The following EYS variants were observed in gnomAD, a reference collection of about 807,000 sequenced individuals.
The protein encoded by EYS is EGF-like photoreceptor maintenance factor, also known as protein eyes shut homolog.
In EYS, 250 loss-of-function variants were observed where a neutral mutation model predicts 282.1. The observed-to-expected ratio is 0.89, with a 90% CI of 0.80 to 0.98. The LOEUF is 0.98. EYS is among the 50% of genes least tolerant of loss of function. The pLI, the probability that EYS is intolerant of heterozygous loss-of-function variation, is 0.00. For synonymous variants in EYS, 1,355 were observed against 1,282.9 expected (o/e 1.06, Z -1.20); for missense variants, 4,016 against 3,709.0 (o/e 1.08, Z -2.15).
At chr6:64,687,797 A>G (rs1770212206) in intron 22 of EYS, among the ~76,000 whole-genome samples, 1 of 152,170 alleles carries the variant, frequency 6.6e-6, no homozygotes, top group Non-Finnish European at 1.5e-5. Context: ...AAGGAACGGT[A>G]CCATCTCCTC....
chr6:65,664,721 A>T, intron 1 of EYS, among the ~76,000 whole-genome samples: 1 of 152,274 alleles, frequency 6.6e-6, no homozygotes, highest in South Asian at 2.1e-4. Flanking sequence ...AATAAACAGG[A>T]TAATAATTTG....
At chr6:65,277,343 G>T (rs1768075404) in intron 12 of EYS, among the ~76,000 whole-genome samples, 1 of 151,066 alleles carries the variant, frequency 6.6e-6, no homozygotes, top group Admixed American at 6.6e-5. Context: ...TGAGGCAAAA[G>T]AATCGCTTGA....
intron 13 of EYS, among the ~76,000 whole-genome samples, chr6:65,036,119 TACAATA>T (rs1268171833): frequency 5.3e-5 from 8 of 151,356 alleles, no homozygotes; most frequent in Non-Finnish European, 1.0e-4. Flanking sequence ...CAGGCACTGG[TACAATA>T]ACAAACACAT....
At chr6:65,317,881 T>C (rs111897307) in intron 11 of EYS, among the ~76,000 whole-genome samples, 1,379 of 62,392 alleles carry the variant, frequency 0.022, 61 homozygotes, top group Middle Eastern at 0.027. Context: ...TTTCTTTCTT[T>C]CTTTCAGACA....
chr6:63,990,753 C>G (rs1002000532), intron 34 of EYS, among the ~76,000 whole-genome samples: 1 of 151,600 alleles, frequency 6.6e-6, no homozygotes. Context: ...GTTTCTGTCT[C>G]ACCTGTCTCA....
chr6:64,808,489 A>C (rs2150012754), intron 22 of EYS, among the ~76,000 whole-genome samples: 1 of 152,266 alleles, frequency 6.6e-6, no homozygotes, highest in East Asian at 1.9e-4. Context: ...TATATAAATC[A>C]ACTTATAAAT....
chr6:64,467,683 G>T (rs1174292479), intron 26 of EYS, among the ~76,000 whole-genome samples: 1 of 152,020 alleles, frequency 6.6e-6, no homozygotes, highest in Non-Finnish European at 1.5e-5. Flanking sequence ...CACCACTACT[G>T]CTTGTGTACA....
intron 24 of EYS, among the ~76,000 whole-genome samples, chr6:64,601,612 G>A (rs1766763378): frequency 6.6e-6 from 1 of 151,960 alleles, no homozygotes; most frequent in African/African-American, 2.4e-5. Flanking sequence ...ATAATTGTTA[G>A]AGCCTAGCTG....
At chr6:64,143,279 T>G (rs1774398369) in intron 31 of EYS, among the ~76,000 whole-genome samples, 1 of 145,872 alleles carries the variant, frequency 6.9e-6, no homozygotes, top group African/African-American at 2.5e-5. Context: ...ATCCATAGAA[T>G]GTGTAACAGC....
At chr6:65,395,380 C>G (rs375838093) in intron 7 of EYS, among the ~76,000 whole-genome samples, 39 of 152,258 alleles carry the variant, frequency 2.6e-4, no homozygotes, top group African/African-American at 8.2e-4. Flanking sequence ...CCTTACTTTG[C>G]TATTTTTTTC....
chr6:64,693,150 C>G (rs1770457164), intron 22 of EYS, among the ~76,000 whole-genome samples: 1 of 150,940 alleles, frequency 6.6e-6, no homozygotes, highest in South Asian at 2.1e-4. Flanking sequence ...CAGAATAATG[C>G]AGATAGAAAT....
chr6:65,231,298 T>A (rs1020535058), intron 12 of EYS, among the ~76,000 whole-genome samples: 77 of 150,424 alleles, frequency 5.1e-4, no homozygotes, highest in African/African-American at 1.8e-3. Flanking sequence ...GTGTATTAGA[T>A]CAGAAAAAAT....
intron 28 of EYS, among the ~76,000 whole-genome samples, chr6:64,428,860 T>C (rs1774493976): frequency 6.6e-6 from 1 of 152,168 alleles, no homozygotes; most frequent in Non-Finnish European, 1.5e-5. Context: ...AATTTTTATA[T>C]CCCAGATATA....
chr6:63,993,163 T>A (rs2149797816), intron 34 of EYS, among the ~76,000 whole-genome samples: 1 of 151,612 alleles, frequency 6.6e-6, no homozygotes, highest in South Asian at 2.1e-4. Context: ...ACTCAGCAAA[T>A]TAGGATTAGG....
At chr6:65,245,319 T>C (rs1232722233) in intron 12 of EYS, among the ~76,000 whole-genome samples, 3 of 152,202 alleles carry the variant, frequency 2.0e-5, no homozygotes, top group Non-Finnish European at 2.9e-5. Flanking sequence ...TGATTTTCTC[T>C]ACAGATTACC....
Position 64,547,216 on chromosome 6 carries a change from T to C in EYS, c.5644+43007A>G, listed in dbSNP as rs1761822. Among the ~76,000 whole-genome samples, 1,312 of 152,166 alleles carry C rather than the reference T, an allele frequency of 8.6e-3. 25 individuals are homozygous for C. Among genetic ancestry groups the C allele is most frequent in the African/African-American group, 0.03 (1,237 of 41,522 alleles). On this transcript the variant is annotated intron_variant, in intron 26 of 42. Coordinates refer to ENST00000503581, the MANE Select transcript of EYS (RefSeq NM_001142800.2). ...GTGAAAGAACAAAGCTTCCACAGTG[T>C]GGAAGGGGACCCGAGTGGGTTGCCA...
At chr6:65,166,937 A>G (rs547993323) in intron 12 of EYS, among the ~76,000 whole-genome samples, 1 of 151,404 alleles carries the variant, frequency 6.6e-6, no homozygotes, top group South Asian at 2.1e-4. Context: ...AAGTTCAAAA[A>G]TATATGATCA....
intron 26 of EYS, among the ~76,000 whole-genome samples, chr6:64,514,848 G>T (rs1582841431): frequency 6.6e-6 from 1 of 151,752 alleles, no homozygotes; most frequent in African/African-American, 2.4e-5. Flanking sequence ...GACCAGAAAA[G>T]TAGAAAAGGG....
At chr6:65,510,899 C>T (rs556642877) in intron 2 of EYS, among the ~76,000 whole-genome samples, 14 of 152,224 alleles carry the variant, frequency 9.2e-5, no homozygotes, top group South Asian at 2.1e-4. Context: ...TGTTTGATGA[C>T]GCACATAATA....
Sources: allele counts gnomAD v4.1 joint callset (sites outside exome capture counted in the v4.1 genomes callset), GRCh38; gene constraint gnomAD v4.1.1; transcripts MANE v1.5; gene names NCBI Gene and HGNC (gene_info 2026-07-23, HGNC 2026-07-21).